GRB10: variants seen among roughly 807,000 people sequenced by gnomAD.
GRB10 encodes the protein growth factor receptor bound protein 10, also known as growth factor receptor-bound protein 10.
Under a neutral mutation model 80.9 loss-of-function variants are expected in GRB10, and 20 were observed. The ratio of observed to expected loss-of-function variants is 0.25; its 90% confidence interval spans 0.17 to 0.36. The LOEUF (loss-of-function observed/expected upper bound fraction) is 0.36. GRB10 is among the 10% of genes least tolerant of loss of function. The probability of loss-of-function intolerance (pLI) is 1.00; values close to 1 mark genes in which losing one functional copy is unlikely to be tolerated. For missense variants in GRB10, 548 were observed against 747.7 expected (o/e 0.73, Z 3.12); for synonymous variants, 291 against 291.5 (o/e 1.00, Z 0.02).
intron 2 of GRB10, among the ~76,000 whole-genome samples, chr7:50,776,188 A>G (rs185029986): frequency 6.6e-6 from 1 of 152,236 alleles, no homozygotes; most frequent in East Asian, 1.9e-4. Context: ...TGGGCAAGCT[A>G]AAAATTTTCC....
At position 50,592,681 on chromosome 7, in the gene GRB10, T is replaced by C. The variant is rs140232032; in HGVS notation, c.*271A>G. On this transcript the variant is annotated 3_prime_UTR_variant, in exon 19 of 19. Coordinates refer to ENST00000401949, the MANE Select transcript of GRB10 (RefSeq NM_001350814.2). ...TCCTAAGCGGCCCAAGCCAAGATGA[T>C]CATTCCAGTTTATTTTCAACTTTCC... 541 of 512,560 alleles carry C rather than the reference T, an allele frequency of 1.1e-3. 4 individuals carry two copies. The highest frequency in any genetic ancestry group is 3.0e-4 in the Non-Finnish European group (84 of 281,522). 31.8% of individuals were successfully genotyped at this position (512,560 alleles called of 1,614,324 possible).
intron 7 of GRB10, among the ~76,000 whole-genome samples, chr7:50,661,883 G>A (rs987083268): frequency 1.3e-5 from 2 of 152,210 alleles, no homozygotes; most frequent in Admixed American, 6.5e-5. Flanking sequence ...TGTGGAGAGA[G>A]GACAAGTGCC....
At position 50,742,984 on chromosome 7, in the gene GRB10, T is replaced by C. The variant is rs2072170886; in HGVS notation, c.-46-10616A>G. Among the ~76,000 whole-genome samples the C allele has an allele frequency of 5.3e-5, 8 of 152,204 alleles. No individual in the cohort carries two copies. The South Asian group carries it at 1.7e-3, about 32-fold the overall frequency. ...CAAAATGCCCTAACTGAATCCTAAGTACTAGATCCCTAACTAAAAGCTGTA... is the reference window on the plus strand; with the variant it reads ...CAAAATGCCCTAACTGAATCCTAAGCACTAGATCCCTAACTAAAAGCTGTA... On this transcript the variant is annotated intron_variant, in intron 3 of 18. Coordinates refer to ENST00000401949, the MANE Select transcript of GRB10 (RefSeq NM_001350814.2).
intron 5 of GRB10, among the ~76,000 whole-genome samples, chr7:50,679,514 T>C (rs2061329008): frequency 6.6e-6 from 1 of 152,192 alleles, no homozygotes; most frequent in Non-Finnish European, 1.5e-5. Flanking sequence ...ACTAAATGAT[T>C]TGGCAACATA....
chr7:50,601,042 A>G (rs1472308639), intron 17 of GRB10, among the ~76,000 whole-genome samples: 1 of 152,260 alleles, frequency 6.6e-6, no homozygotes. Flanking sequence ...AAGAAAACCC[A>G]AGAGTGGAAA....
chr7:50,751,401 A>G (rs189364637), intron 3 of GRB10, among the ~76,000 whole-genome samples: 191 of 152,370 alleles, frequency 1.3e-3, no homozygotes, highest in African/African-American at 4.4e-3. Flanking sequence ...ACTGTGATGC[A>G]TCTATACAAT....
chr7:50,757,790 C>A (rs1482482350), intron 2 of GRB10, among the ~76,000 whole-genome samples: 5 of 152,230 alleles, frequency 3.3e-5, no homozygotes, highest in Admixed American at 1.3e-4. Context: ...ACTGCTAATT[C>A]TCATATCCTG....
At chr7:50,611,060 G>A (rs1304291198) in intron 13 of GRB10, among the ~76,000 whole-genome samples, 1 of 151,696 alleles carries the variant, frequency 6.6e-6, no homozygotes, top group Non-Finnish European at 1.5e-5. Context: ...TATACAGACA[G>A]CTTCAAAAGA....
chr7:50,699,447 T>C (rs1473084671), intron 5 of GRB10, among the ~76,000 whole-genome samples: 3 of 152,236 alleles, frequency 2.0e-5, no homozygotes, highest in African/African-American at 7.2e-5. Flanking sequence ...GTACAAATTT[T>C]GTTATTATTT....
intron 4 of GRB10, among the ~76,000 whole-genome samples, chr7:50,707,842 A>T (rs1241896467): frequency 6.6e-6 from 1 of 152,208 alleles, no homozygotes; most frequent in African/African-American, 2.4e-5. Context: ...CTTCCTGTGC[A>T]CTGTGAGGTA....
At chr7:50,754,032 A>G (rs574713961) in intron 3 of GRB10, among the ~76,000 whole-genome samples, 2 of 152,180 alleles carry the variant, frequency 1.3e-5, no homozygotes, top group Non-Finnish European at 2.9e-5. Flanking sequence ...TATGTCACCA[A>G]TGAAGGATCT....
At chr7:50,709,657 C>G (rs2065588059) in intron 4 of GRB10, among the ~76,000 whole-genome samples, 1 of 151,686 alleles carries the variant, frequency 6.6e-6, no homozygotes, top group Non-Finnish European at 1.5e-5. Flanking sequence ...TAACTTCCCT[C>G]ACTCTGTGGA....
chr7:50,764,691 T>C (rs2076144755), intron 2 of GRB10, among the ~76,000 whole-genome samples: 1 of 152,026 alleles, frequency 6.6e-6, no homozygotes, highest in East Asian at 1.9e-4. Context: ...TCCTCAACTG[T>C]AAACTGAGAA....
chr7:50,765,169 T>C (rs1315179404), intron 2 of GRB10, among the ~76,000 whole-genome samples: 16 of 152,176 alleles, frequency 1.1e-4, no homozygotes, highest in Admixed American at 8.5e-4. Context: ...AAGGGAATAA[T>C]GGATACTGGG....
In GRB10 at chr7:50,610,437, C is replaced by CGTAT. The variant is rs147503205; in HGVS notation, c.1194+2300_1194+2303dup. 4.3e-4 allele frequency among the ~76,000 whole-genome samples: 65 copies of CGTAT among 152,306 alleles called. No homozygotes were observed. The East Asian group carries it at 0.011, about 27-fold the overall frequency. ...CCTCCTATAAGAATAGTACCTAAGA[C>CGTAT]GTATCCTTAATGACTCTAGAATCCG... On this transcript the variant is annotated intron_variant, in intron 13 of 18. Transcript: ENST00000401949.
chr7:50,630,064 C>A (rs751285864), intron 7 of GRB10, among the ~76,000 whole-genome samples: 1 of 152,240 alleles, frequency 6.6e-6, no homozygotes, highest in Non-Finnish European at 1.5e-5. Context: ...TATCTGAGTT[C>A]TATCCCGGCT....
intron 7 of GRB10, among the ~76,000 whole-genome samples, chr7:50,633,522 A>G (rs779761718): frequency 1.3e-5 from 2 of 152,244 alleles, no homozygotes; most frequent in Non-Finnish European, 2.9e-5. Flanking sequence ...ATGTTGTGAC[A>G]TCCACATTAG....
intron 3 of GRB10, among the ~76,000 whole-genome samples, chr7:50,744,523 G>GAA (rs1277031205): frequency 1.3e-5 from 2 of 152,168 alleles, no homozygotes; most frequent in African/African-American, 4.8e-5. Flanking sequence ...ATCAATAACA[G>GAA]AAAGTCATTA....
intron 7 of GRB10, among the ~76,000 whole-genome samples, chr7:50,649,846 C>T (rs1441403860): frequency 6.6e-6 from 1 of 152,180 alleles, no homozygotes; most frequent in East Asian, 1.9e-4. Flanking sequence ...ACAATGACCC[C>T]TTTTAGTTAG....
Sources: allele counts gnomAD v4.1 joint callset (sites outside exome capture counted in the v4.1 genomes callset), GRCh38; gene constraint gnomAD v4.1.1; transcripts MANE v1.5; gene names NCBI Gene and HGNC (gene_info 2026-07-23, HGNC 2026-07-21).